PTGFRN: variants seen among roughly 807,000 people sequenced by gnomAD.
PTGFRN encodes prostaglandin F2 receptor inhibitor, also known as prostaglandin F2 receptor negative regulator.
PTGFRN carries 35 observed loss-of-function variants against 83.2 expected under a neutral mutation model. The observed-to-expected ratio is 0.42, with a 90% confidence interval of 0.32 to 0.56. The LOEUF (loss-of-function observed/expected upper bound fraction) is 0.56. PTGFRN is among the 20% of genes least tolerant of loss of function. The probability of loss-of-function intolerance (pLI) is 0.11; values close to 1 mark genes in which losing one functional copy is unlikely to be tolerated. For missense variants in PTGFRN, 1,051 were observed against 1,179.5 expected (o/e 0.89, Z 1.60); for synonymous variants, 519 against 498.6 (o/e 1.04, Z -0.55).
At chr1:116,975,636 A>G (rs556492661) in intron 7 of PTGFRN, among the ~76,000 whole-genome samples, 196 of 152,310 alleles carry the variant, frequency 1.3e-3, no homozygotes, top group African/African-American at 4.5e-3. Context: ...CCTCCAGCAA[A>G]CTCCAACAGA....
Position 116,961,342 on chromosome 1 carries a change from A to G in PTGFRN, c.1313A>G (p.Glu438Gly), listed in dbSNP as rs1570668489. The part of the protein sequence containing the change: ...ACRVVDTKSG[E>G]ANVRFTVSWY... ...CGGGTGGTGGACACGAAGAGTGGGG[A>G]GGCGAATGTCCGATTCACGGTTTCG... is the stretch of plus-strand genomic sequence containing the variant. Residue 438 changes from glutamate (E) to glycine (G), a missense_variant, in exon 5 of 9, where the codon GAG (glutamate) becomes GGG (glycine). Transcript: ENST00000393203. The surrounding 1 kb of genome is among the most constrained non-coding windows in gnomAD (Gnocchi z 5.4). 6.3e-6 allele frequency: 10 copies of G among 1,582,216 alleles called. No individual in the cohort carries two copies. The highest frequency in any genetic ancestry group is 8.6e-6 in the Non-Finnish European group (10 of 1,161,680).
chr1:116,932,907 C>T (rs2101058325), intron 1 of PTGFRN, among the ~76,000 whole-genome samples: 1 of 152,308 alleles, frequency 6.6e-6, no homozygotes, highest in South Asian at 2.1e-4. Flanking sequence ...GCTGTTATGA[C>T]CTTCAGGAGG....
chr1:116,984,608 A>G, intron 7 of PTGFRN, 72 bp from the exon 8 acceptor site: 1 of 1,444,710 alleles, frequency 6.9e-7, no homozygotes, highest in Non-Finnish European at 9.5e-7. Flanking sequence ...AGGGCCTCAT[A>G]CATGGATGTG....
At chr1:116,972,100 T>A (rs1251571099) in intron 6 of PTGFRN, among the ~76,000 whole-genome samples, 1 of 152,206 alleles carries the variant, frequency 6.6e-6, no homozygotes, top group Non-Finnish European at 1.5e-5. Context: ...CAGAGCCAAC[T>A]CCAGGCAGTT....
intron 7 of PTGFRN, among the ~76,000 whole-genome samples, chr1:116,977,589 A>G (rs1651192768): frequency 1.3e-5 from 2 of 152,254 alleles, no homozygotes; most frequent in Non-Finnish European, 2.9e-5. Context: ...GCTCAACTAC[A>G]TGGAAACTGA....
chr1:116,977,269 A>G (rs1651184297), intron 7 of PTGFRN, among the ~76,000 whole-genome samples: 1 of 152,202 alleles, frequency 6.6e-6, no homozygotes, highest in African/African-American at 2.4e-5. Context: ...ACACAATAAT[A>G]ATGGGAGACT....
In PTGFRN at chr1:116,941,953, G is replaced by C; in HGVS notation, c.288G>C (p.Arg96=). 6.2e-7 allele frequency: 1 copy of C among 1,614,186 alleles called. No homozygotes were observed. The highest frequency in any genetic ancestry group is 8.5e-7 in the Non-Finnish European group (1 of 1,180,032). ...RLQRGEILLR[R]TANDAVELHI... ...AGAGGGGCGAGATCCTGTTAAGGCG[G>C]ACTGCCAACGACGCCGTGGAGCTCC... The change falls in exon 2 of 9, where the codon CGG becomes CGC. Residue 96 remains arginine, a synonymous_variant. Coordinates refer to ENST00000393203, the MANE Select transcript of PTGFRN (RefSeq NM_020440.4). The surrounding 1 kb of genome is among the most constrained non-coding windows in gnomAD (Gnocchi z 5.0).
chr1:116,972,622 A>C (rs990051430), intron 6 of PTGFRN, among the ~76,000 whole-genome samples: 2 of 152,214 alleles, frequency 1.3e-5, no homozygotes, highest in African/African-American at 4.8e-5. Context: ...TAATACCTAT[A>C]TTCTTAACTT....
chr1:116,959,057 T>C (rs138683554), intron 4 of PTGFRN, among the ~76,000 whole-genome samples: 1 of 152,372 alleles, frequency 6.6e-6, no homozygotes, highest in Non-Finnish European at 1.5e-5. Context: ...TGCACCCACA[T>C]TGCTGCATCC....
At chr1:116,929,940 G>A (rs1024773620) in intron 1 of PTGFRN, among the ~76,000 whole-genome samples, 7 of 152,026 alleles carry the variant, frequency 4.6e-5, no homozygotes, top group Admixed American at 2.6e-4. Context: ...TCCCATACCC[G>A]TCATTGAAAA....
chr1:116,955,062 T>G (rs573857019), intron 4 of PTGFRN, among the ~76,000 whole-genome samples: 1 of 152,226 alleles, frequency 6.6e-6, no homozygotes, highest in Non-Finnish European at 1.5e-5. Context: ...CCACAATACT[T>G]GTTTTTACAA....
chr1:116,937,013 A>G (rs1173222299), intron 1 of PTGFRN, among the ~76,000 whole-genome samples: 1 of 152,250 alleles, frequency 6.6e-6, no homozygotes, highest in Admixed American at 6.5e-5. Flanking sequence ...AGGAGCAAGA[A>G]TGGGGATGTG....
Position 116,941,857 on chromosome 1 carries a change from G to T in PTGFRN, c.192G>T (p.Gly64=). The part of the protein sequence containing the change: ...QNFDWSFSSL[G]SSFVELASTW... ...TTGACTGGAGCTTCTCATCTTTGGG[G>T]AGCAGCTTTGTGGAGCTTGCAAGCA... The change falls in exon 2 of 9, where the codon GGG becomes GGT. Residue 64 remains glycine, a synonymous_variant. Transcript: ENST00000393203. The surrounding 1 kb of genome is among the most constrained non-coding windows in gnomAD (Gnocchi z 5.0). The T allele has an allele frequency of 6.2e-7, 1 of 1,614,206 alleles. No homozygotes were observed. Among genetic ancestry groups the T allele is most frequent in the Non-Finnish European group, 8.5e-7 (1 of 1,180,042 alleles).
intron 1 of PTGFRN, among the ~76,000 whole-genome samples, chr1:116,938,260 G>A (rs1649972995): frequency 6.6e-6 from 1 of 152,134 alleles, no homozygotes; most frequent in South Asian, 2.1e-4. Flanking sequence ...TATAATCCCA[G>A]CACTCTGAGA....
chr1:116,925,711 CTCA>C (rs1348850345), intron 1 of PTGFRN, among the ~76,000 whole-genome samples: 1 of 152,084 alleles, frequency 6.6e-6, no homozygotes, highest in Non-Finnish European at 1.5e-5. Flanking sequence ...TTAAAAGGTC[CTCA>C]TCTTATTGGG....
At chr1:116,924,639 T>G (rs764318979) in intron 1 of PTGFRN, among the ~76,000 whole-genome samples, 2 of 152,228 alleles carry the variant, frequency 1.3e-5, no homozygotes, top group Non-Finnish European at 2.9e-5. Flanking sequence ...TGATTGACGC[T>G]GTGTGTCACA....
intron 1 of PTGFRN, among the ~76,000 whole-genome samples, chr1:116,914,567 A>C (rs527282935): frequency 6.6e-6 from 1 of 152,156 alleles, no homozygotes; most frequent in Non-Finnish European, 1.5e-5. Context: ...CCTGTGCAAC[A>C]TAGTGAGACC....
chr1:116,982,110 A>T (rs1651337289), intron 7 of PTGFRN, among the ~76,000 whole-genome samples: 1 of 152,180 alleles, frequency 6.6e-6, no homozygotes, highest in Non-Finnish European at 1.5e-5. Context: ...AGAAGAGACT[A>T]CCGGGGAAAA....
chr1:116,968,346 ACT>A (rs1650897516), intron 6 of PTGFRN, among the ~76,000 whole-genome samples: 1 of 151,932 alleles, frequency 6.6e-6, no homozygotes, highest in South Asian at 2.1e-4. Flanking sequence ...GGTAAGCTAG[ACT>A]CTAATAAAGT....
Sources: gnomAD v4.1 joint callset for allele counts (sites outside exome capture counted in the v4.1 genomes callset) on GRCh38, gnomAD v4.1.1 for gene constraint, Gnocchi (gnomAD v3.1) non-coding constraint, MANE v1.5 for transcripts, NCBI Gene and HGNC (gene_info 2026-07-23, HGNC 2026-07-21) for gene names.